CNTN5: variants seen among roughly 807,000 people sequenced by gnomAD.
CNTN5 encodes contactin 5, also known as contactin-5.
In CNTN5, 77 loss-of-function variants were observed where a neutral mutation model predicts 129.1. That is an observed-to-expected ratio of 0.60 (90% CI 0.50 to 0.72). The LOEUF (loss-of-function observed/expected upper bound fraction) is 0.72, where lower values mean the gene tolerates loss of function less well. Ranked by LOEUF, CNTN5 falls within the 30% of genes least tolerant of loss-of-function variation. The probability of loss-of-function intolerance (pLI) is 0.00; values close to 1 mark genes in which losing one functional copy is unlikely to be tolerated. For synonymous variants in CNTN5, 509 were observed against 465.6 expected (o/e 1.09, Z -1.20); for missense variants, 1,478 against 1,328.8 (o/e 1.11, Z -1.75).
intron 3 of CNTN5, among the ~76,000 whole-genome samples, chr11:99,813,144 G>GA (rs1314285011): frequency 1.3e-5 from 2 of 151,934 alleles, no homozygotes; most frequent in Non-Finnish European, 1.5e-5. Context: ...AAAAGTTATT[G>GA]AAAAAATATC....
intron 9 of CNTN5, among the ~76,000 whole-genome samples, chr11:100,052,993 A>G (rs927364202): frequency 2.0e-5 from 3 of 151,724 alleles, no homozygotes; most frequent in Non-Finnish European, 1.5e-5. Context: ...AAACAAATGG[A>G]TATCACTGTT....
chr11:100,269,133 A>C (rs958187337), intron 17 of CNTN5, among the ~76,000 whole-genome samples: 1 of 152,190 alleles, frequency 6.6e-6, no homozygotes, highest in African/African-American at 2.4e-5. Context: ...TGGGAGAGAA[A>C]CAGAAGTTAA....
intron 2 of CNTN5, among the ~76,000 whole-genome samples, chr11:99,446,085 T>TAA (rs35641117): frequency 0.026 from 3,554 of 134,866 alleles, 128 homozygotes; most frequent in African/African-American, 0.077. Context: ...ACTTTGTCAT[T>TAA]AAAAAAAAAA....
chr11:99,727,600 A>G (rs1943395658), intron 3 of CNTN5, among the ~76,000 whole-genome samples: 1 of 93,024 alleles, frequency 1.1e-5, no homozygotes, highest in African/African-American at 4.6e-5. Context: ...ATTGTCCTTT[A>G]ATGAAAAAAA....
chr11:99,986,886 T>C (rs555766655), intron 8 of CNTN5, among the ~76,000 whole-genome samples: 3 of 152,050 alleles, frequency 2.0e-5, no homozygotes, highest in Non-Finnish European at 4.4e-5. Context: ...AATAAGGGAA[T>C]GAAAAAGAGA....
intron 9 of CNTN5, among the ~76,000 whole-genome samples, chr11:100,059,510 A>G (rs988922835): frequency 1.3e-5 from 2 of 151,350 alleles, no homozygotes; most frequent in African/African-American, 4.8e-5. Context: ...AAATAAGCGA[A>G]TAAAGCAAGC....
At chr11:99,094,145 C>T (rs1252271119) in intron 1 of CNTN5, among the ~76,000 whole-genome samples, 1 of 151,940 alleles carries the variant, frequency 6.6e-6, no homozygotes. Flanking sequence ...ATCAAATATC[C>T]TATGGGCATA....
intron 7 of CNTN5, among the ~76,000 whole-genome samples, chr11:99,919,466 T>C (rs1949879992): frequency 6.6e-6 from 1 of 152,178 alleles, no homozygotes; most frequent in South Asian, 2.1e-4. Context: ...ATTTTTGGTT[T>C]CCCTTTACAG....
At chr11:100,304,676 C>A (rs924375988) in intron 20 of CNTN5, among the ~76,000 whole-genome samples, 7 of 151,466 alleles carry the variant, frequency 4.6e-5, no homozygotes, top group African/African-American at 1.7e-4. Context: ...GAAAAAGCAT[C>A]AGGTAAGTGT....
At chr11:99,988,675 C>A (rs933768922) in intron 8 of CNTN5, among the ~76,000 whole-genome samples, 3 of 152,054 alleles carry the variant, frequency 2.0e-5, no homozygotes, top group Non-Finnish European at 2.9e-5. Context: ...AGGAAGGGAC[C>A]GAGTCCAAAT....
chr11:100,215,816 C>T (rs79277951), intron 15 of CNTN5, among the ~76,000 whole-genome samples: 10,203 of 151,974 alleles, frequency 0.067, 374 homozygotes, highest in Non-Finnish European at 0.083. Flanking sequence ...GAATCAATGC[C>T]CTGGAAGGAA....
intron 8 of CNTN5, among the ~76,000 whole-genome samples, chr11:99,992,622 T>C (rs1939185862): frequency 6.6e-6 from 1 of 152,220 alleles, no homozygotes; most frequent in African/African-American, 2.4e-5. Flanking sequence ...AGTTGAACTC[T>C]GTTGCCTGAA....
At chr11:99,697,595 T>C (rs1485323268) in intron 3 of CNTN5, among the ~76,000 whole-genome samples, 2 of 151,496 alleles carry the variant, frequency 1.3e-5, no homozygotes, top group Non-Finnish European at 3.0e-5. Flanking sequence ...TAAGGAGATG[T>C]GTTGAATAAT....
intron 13 of CNTN5, among the ~76,000 whole-genome samples, chr11:100,123,647 G>T (rs939054365): frequency 6.6e-6 from 1 of 151,896 alleles, no homozygotes; most frequent in Non-Finnish European, 1.5e-5. Context: ...AACAAATTCT[G>T]CAACTCAAAA....
chr11:99,623,662 A>G (rs1951028926), intron 3 of CNTN5, among the ~76,000 whole-genome samples: 1 of 151,464 alleles, frequency 6.6e-6, no homozygotes, highest in Non-Finnish European at 1.5e-5. Flanking sequence ...AAAGGGAGGC[A>G]TAGTTCCATA....
chr11:100,022,329 C>T (rs1591069353), intron 9 of CNTN5, among the ~76,000 whole-genome samples: 1 of 152,330 alleles, frequency 6.6e-6, no homozygotes, highest in African/African-American at 2.4e-5. Context: ...GTATCTTCCT[C>T]TTAAAGTAGT....
At chr11:100,171,602 T>C (rs538614464) in intron 13 of CNTN5, among the ~76,000 whole-genome samples, 1 of 152,152 alleles carries the variant, frequency 6.6e-6, no homozygotes, top group East Asian at 1.9e-4. Flanking sequence ...GAAAAAGTTA[T>C]CAGTTTTGAA....
chr11:99,665,568 C>T (rs1474044431), intron 3 of CNTN5, among the ~76,000 whole-genome samples: 1 of 146,642 alleles, frequency 6.8e-6, no homozygotes, highest in East Asian at 2.0e-4. Context: ...TCACTGCAAC[C>T]TCCACCTCCT....
chr11:99,781,278 G>T (rs572026183), intron 3 of CNTN5, among the ~76,000 whole-genome samples: 25 of 152,070 alleles, frequency 1.6e-4, no homozygotes, highest in Admixed American at 6.6e-4. Context: ...CAACTCAACA[G>T]GTATTGCTCA....
Sources: gnomAD v4.1 joint callset for allele counts (sites outside exome capture counted in the v4.1 genomes callset) on GRCh38, gnomAD v4.1.1 for gene constraint, MANE v1.5 for transcripts, NCBI Gene and HGNC (gene_info 2026-07-23, HGNC 2026-07-21) for gene names.